Variants in GCFC2 observed in about 807,000 individuals in gnomAD.
GCFC2 encodes GC-rich sequence DNA-binding factor 2.
Under a neutral mutation model 99.4 loss-of-function variants are expected in GCFC2, and 102 were observed. The observed-to-expected ratio is 1.03, with a 90% confidence interval of 0.87 to 1.21. GCFC2 has a LOEUF of 1.21. Among genes scored for constraint, GCFC2 ranks in the 50% most tolerant of loss-of-function variants. The pLI, the probability that GCFC2 is intolerant of heterozygous loss-of-function variation, is 0.00. For missense variants in GCFC2, 973 were observed against 920.9 expected, an observed-to-expected ratio of 1.06 and a Z score of -0.73; for synonymous variants, 338 against 316.8, an observed-to-expected ratio of 1.07 and a Z score of -0.71.
At chr2:75,673,242 A>G (rs904502686) in intron 13 of GCFC2, among the ~76,000 whole-genome samples, 4 of 151,994 alleles carry the variant, frequency 2.6e-5, no homozygotes, top group African/African-American at 7.2e-5. Flanking sequence ...TGGGAGGCGG[A>G]GCTTGCAGTG....
At chr2:75,706,336 C>T (rs1274577024) in intron 2 of GCFC2, among the ~76,000 whole-genome samples, 187 bp downstream of exon 2, 1 of 152,142 alleles carries the variant, frequency 6.6e-6, no homozygotes, top group African/African-American at 2.4e-5. Flanking sequence ...CCTAGCCCTG[C>T]TACTTATAAG....
chr2:75,710,879 C>A lies in GCFC2; in HGVS notation c.-24G>T, dbSNP rs758247851. The A allele has an allele frequency of 3.3e-6, 5 of 1,522,826 alleles. No individual in the cohort carries two copies. Among genetic ancestry groups the A allele is most frequent in the Non-Finnish European group, 4.4e-6 (5 of 1,141,622 alleles). 94.3% of individuals were successfully genotyped at this position (1,522,826 alleles called of 1,614,324 possible). ...ATGGCCGAGGCCCGAGCGCCCGGCG[C>A]CCTAGAACCCGCTGAACCGCAAGCC... On this transcript the variant is annotated 5_prime_UTR_variant, in exon 1 of 17. Transcript: ENST00000321027.
At chr2:75,700,875 T>C (rs970075054) in intron 4 of GCFC2, among the ~76,000 whole-genome samples, 1 of 152,116 alleles carries the variant, frequency 6.6e-6, no homozygotes, top group Non-Finnish European at 1.5e-5. Flanking sequence ...CAATGACAAG[T>C]ATCCTTACGA....
chr2:75,673,154 C>CA (rs1179309834), intron 13 of GCFC2, among the ~76,000 whole-genome samples: 1 of 151,608 alleles, frequency 6.6e-6, no homozygotes, highest in East Asian at 1.9e-4. Context: ...ACTAAATATA[C>CA]AAAAAATTAG....
At position 75,692,089 on chromosome 2, in the gene GCFC2, G is replaced by A. The variant is rs1376654141; in HGVS notation, c.1032C>T (p.Ile344=). ...CATGCATGGATGATTCTATTTCTTG[G>A]ATGTTGATAATCTGAAATACACATA... ...IDCLNEKIIN[I]QEIESSMHAL... is the part of the protein sequence containing the mutation. Residue 344 remains isoleucine, a synonymous_variant, in exon 7 of 17, where the codon ATC becomes ATT. Coordinates refer to ENST00000321027, the MANE Select transcript of GCFC2 (RefSeq NM_003203.5). 3 of 1,477,534 alleles carry A rather than the reference G, an allele frequency of 2.0e-6. No individual in the cohort carries two copies. Among genetic ancestry groups the A allele is most frequent in the Admixed American group, 3.9e-5 (2 of 51,740 alleles). 91.5% of individuals were successfully genotyped at this position (1,477,534 alleles called of 1,614,324 possible).
At chr2:75,710,551 G>C in intron 1 of GCFC2, 40 bp downstream of exon 1, 1 of 1,466,954 alleles carries the variant, frequency 6.8e-7, no homozygotes, top group Non-Finnish European at 9.0e-7. Flanking sequence ...TTCCCGCCCT[G>C]TGCCGTCACC....
At chr2:75,686,288 A>T (rs1408443395) in intron 11 of GCFC2, among the ~76,000 whole-genome samples, 2 of 152,128 alleles carry the variant, frequency 1.3e-5, no homozygotes. Context: ...ATAAATAGAG[A>T]TGGGGTTTCA....
Position 75,664,771 on chromosome 2 carries a change from T to G in GCFC2, c.2241A>C (p.Glu747Asp). The change falls in exon 17 of 17, where the codon GAA becomes GAC. Residue 747 changes from glutamate to aspartate, a missense_variant. Transcript: ENST00000321027. ...LSRSEFRDEVEEIILILVKIK... is the reference protein window; with the variant it reads ...LSRSEFRDEVDEIILILVKIK... Reference sequence around the variant, plus strand: ...TTTTCACCAAAATAAGAATTATTTCTTCGACTTCATCCCTGAAAAACAAAA... The same window carrying G: ...TTTTCACCAAAATAAGAATTATTTCGTCGACTTCATCCCTGAAAAACAAAA... 1 of 1,499,600 alleles carries G rather than the reference T, an allele frequency of 6.7e-7. No homozygotes were observed. Among genetic ancestry groups the G allele is most frequent in the Non-Finnish European group, 9.3e-7 (1 of 1,079,066 alleles). The allele number at this position is 1,499,600 out of a possible 1,614,324, so 92.9% of individuals were successfully genotyped here.
chr2:75,667,692 C>CGGTT (rs1197605147), intron 15 of GCFC2, among the ~76,000 whole-genome samples: 1 of 152,094 alleles, frequency 6.6e-6, no homozygotes, highest in African/African-American at 2.4e-5. Flanking sequence ...CTCATTTAAC[C>CGGTT]ATGTAGCTTT....
At position 75,699,995 on chromosome 2, in the gene GCFC2, G is replaced by A. The variant is rs770911520; in HGVS notation, c.717+1195C>T. On this transcript the variant is annotated intron_variant, in intron 4 of 16. Coordinates refer to ENST00000321027, the MANE Select transcript of GCFC2 (RefSeq NM_003203.5). ...GGCTCACTGCAGCCTTGACCTCCTG[G>A]GCTCAAGCAATCCTCCCACTTCAGC... 5.9e-5 allele frequency among the ~76,000 whole-genome samples: 9 copies of A among 151,880 alleles called. No individual in the cohort carries two copies. The East Asian group carries it at 1.4e-3, about 23-fold the overall frequency.
chr2:75,682,225 G>C (rs1339167083), intron 11 of GCFC2, among the ~76,000 whole-genome samples: 19 of 151,822 alleles, frequency 1.3e-4, no homozygotes. Context: ...ATGACCCTCT[G>C]AGACGAAGCT....
intron 12 of GCFC2, among the ~76,000 whole-genome samples, chr2:75,675,792 C>T (rs1679310180): frequency 6.7e-6 from 1 of 148,676 alleles, no homozygotes; most frequent in Admixed American, 6.7e-5. Flanking sequence ...CATAAATTCA[C>T]ATATTTTAAA....
rs1467338299 is a variant in GCFC2 at position 75,663,210 on chromosome 2, G to A, written c.*1456C>T. On this transcript the variant is annotated 3_prime_UTR_variant, in exon 17 of 17. Coordinates refer to ENST00000321027, the MANE Select transcript of GCFC2 (RefSeq NM_003203.5). ...AAATAAATTATATGTAGTTTTGAAG[G>A]TAGAGGTGACATAAAAGTAGGCTGT... 6.6e-6 allele frequency: 1 copy of A among 152,102 alleles called. No individual in the cohort carries two copies. The highest frequency in any genetic ancestry group is 2.4e-5 in the African/African-American group (1 of 41,428). The allele number at this position is 152,102 out of a possible 1,614,324, so 9.4% of individuals were successfully genotyped here. A position where few individuals can be genotyped will look rare whatever the true frequency, so the allele number is the denominator to read the frequency against.
In GCFC2 at chr2:75,663,115, C is replaced by T. The variant is rs1678678902; in HGVS notation, c.*1551G>A. ...TGTATAATTTTGTTACTAATATAAA[C>T]ATCAAAAAATTCTTCATACCAGTGA... On this transcript the variant is annotated 3_prime_UTR_variant, in exon 17 of 17. Coordinates refer to ENST00000321027, the MANE Select transcript of GCFC2 (RefSeq NM_003203.5). The T allele has an allele frequency of 6.6e-6, 1 of 152,058 alleles. No individual in the cohort carries two copies. 9.4% of individuals were successfully genotyped at this position (152,058 alleles called of 1,614,324 possible). A position where few individuals can be genotyped will look rare whatever the true frequency, so the allele number is the denominator to read the frequency against.
chr2:75,672,041 A>C, intron 13 of GCFC2, 25 bp from the exon 14 acceptor site: 1 of 1,330,266 alleles, frequency 7.5e-7, no homozygotes, highest in Non-Finnish European at 1.1e-6. Flanking sequence ...ACGAAAGAGA[A>C]GAGAAAATGC....
chr2:75,664,683 G>A lies in GCFC2; in HGVS notation c.2329C>T (p.Leu777=), dbSNP rs1357799658. 2.1e-6 allele frequency: 3 copies of A among 1,404,406 alleles called. No individual in the cohort carries two copies. Among genetic ancestry groups the A allele is most frequent in the East Asian group, 4.6e-5 (2 of 43,612 alleles). The allele number at this position is 1,404,406 out of a possible 1,614,324, so 87.0% of individuals were successfully genotyped here. A position where few individuals can be genotyped will look rare whatever the true frequency, so the allele number is the denominator to read the frequency against. ...GEHHLDHLKS[L]IKED ...AAGTTTATTCAATCTTCTTTAATTA[G>A]TGATTTAAGATGGTCTAGGTGATGC... is the stretch of plus-strand genomic sequence containing the variant. Residue 777 remains leucine, a synonymous_variant, in exon 17 of 17, where the codon CTA becomes TTA. Coordinates refer to ENST00000321027, the MANE Select transcript of GCFC2 (RefSeq NM_003203.5).
chr2:75,672,711 G>T (rs1412951334), intron 13 of GCFC2, among the ~76,000 whole-genome samples: 1 of 152,058 alleles, frequency 6.6e-6, no homozygotes, highest in Non-Finnish European at 1.5e-5. Flanking sequence ...TCTGTGCTAG[G>T]CCCTGTTGTG....
upstream of GCFC2, chr2:75,711,079 C>A: frequency 7.7e-7 from 1 of 1,306,244 alleles, no homozygotes; most frequent in Non-Finnish European, 9.7e-7. Flanking sequence ...AAAGCATTCC[C>A]TTTGCCAGGT....
chr2:75,663,882 A>T lies in GCFC2; in HGVS notation c.*784T>A, dbSNP rs1678715986. The T allele has an allele frequency of 6.6e-6, 1 of 151,864 alleles. No individual in the cohort carries two copies. Among genetic ancestry groups the T allele is most frequent in the Non-Finnish European group, 1.5e-5 (1 of 68,022 alleles). 9.4% of individuals were successfully genotyped at this position (151,864 alleles called of 1,614,324 possible). On this transcript the variant is annotated 3_prime_UTR_variant, in exon 17 of 17. Coordinates refer to ENST00000321027, the MANE Select transcript of GCFC2 (RefSeq NM_003203.5). ...CTCAAAAAATACAATTAAAAAAAAAATAAAAGAAAAATGGCAAATAAGGAA... is the reference window on the plus strand; with the variant it reads ...CTCAAAAAATACAATTAAAAAAAAATTAAAAGAAAAATGGCAAATAAGGAA...
Sources: gnomAD v4.1 joint callset for allele counts (sites outside exome capture counted in the v4.1 genomes callset) on GRCh38, gnomAD v4.1.1 for gene constraint, MANE v1.5 for transcripts, NCBI Gene and HGNC (gene_info 2026-07-23, HGNC 2026-07-21) for gene names.